The following RALYL variants were observed in gnomAD, a reference collection of about 807,000 sequenced individuals.
RALYL encodes RNA-binding Raly-like protein.
In RALYL, 29 loss-of-function variants were observed where a neutral mutation model predicts 35.1. The ratio of observed to expected loss-of-function variants is 0.83; its 90% CI spans 0.61 to 1.13. The LOEUF is 1.13. Among genes scored for constraint, RALYL ranks in the 50% most tolerant of loss-of-function variants. The probability of loss-of-function intolerance (pLI) is 0.00; values close to 1 mark genes in which losing one functional copy is unlikely to be tolerated. For missense variants in RALYL, 359 were observed against 360.4 expected (o/e 1.00, Z 0.03); for synonymous variants, 120 against 127.6 (o/e 0.94, Z 0.40).
At chr8:84,442,600 A>C (rs2048453951) in intron 1 of RALYL, among the ~76,000 whole-genome samples, 1 of 152,122 alleles carries the variant, frequency 6.6e-6, no homozygotes, top group East Asian at 1.9e-4. Context: ...ACAGATGTTG[A>C]GTCAATAATT....
intron 1 of RALYL, among the ~76,000 whole-genome samples, chr8:84,464,706 G>A (rs78509353): frequency 0.35 from 52,900 of 151,780 alleles, 9,546 homozygotes; most frequent in South Asian, 0.52. Context: ...GATCCCTAAG[G>A]AATCGCTACA....
rs75115584 is a variant in RALYL, at chr8:84,496,806, T to C, written c.-23-32493T>C. On this transcript the variant is annotated intron_variant, in intron 1 of 8. Transcript: ENST00000521268. The stretch of plus-strand genomic sequence containing the variant: ...GTCAGTGATACACTAAATAATGTAA[T>C]TGCAGTTTTGTCTTCAACCTTATCC... Among the ~76,000 whole-genome samples, 1,039 of 152,268 alleles carry C rather than the reference T, an allele frequency of 6.8e-3. 6 individuals are homozygous for C. The highest frequency in any genetic ancestry group is 0.023 in the African/African-American group (964 of 41,560).
rs113520189 is a variant in RALYL at position 84,250,972 on chromosome 8, A to C, written c.-24+66548A>C. Among the ~76,000 whole-genome samples the C allele has an allele frequency of 4.0e-4, 61 of 152,248 alleles. 1 individual carries two copies. Among genetic ancestry groups the C allele is most frequent in the African/African-American group, 1.4e-3 (60 of 41,558 alleles). ...TCAGTTGATTTTTATTCCTTCTTGC[A>C]CAGTTATTTGTTCCCAATTCTTCAA... On this transcript the variant is annotated intron_variant, in intron 1 of 8. Transcript: ENST00000521268.
intron 1 of RALYL, among the ~76,000 whole-genome samples, chr8:84,307,720 G>C (rs1842091967): frequency 6.6e-6 from 1 of 152,156 alleles, no homozygotes; most frequent in Admixed American, 6.5e-5. Flanking sequence ...GACCGCCCCA[G>C]TTACACATCT....
At chr8:84,442,689 T>C (rs910179156) in intron 1 of RALYL, among the ~76,000 whole-genome samples, 5 of 152,126 alleles carry the variant, frequency 3.3e-5, no homozygotes, top group African/African-American at 1.2e-4. Flanking sequence ...AACTACATTT[T>C]TGGTTGCAAG....
At chr8:84,566,483 T>C (rs2061791188) in intron 2 of RALYL, among the ~76,000 whole-genome samples, 2 of 151,664 alleles carry the variant, frequency 1.3e-5, no homozygotes, top group Non-Finnish European at 3.0e-5. Context: ...TTATTTTCTC[T>C]TTAATTCACA....
chr8:84,474,616 G>T (rs1277231813), intron 1 of RALYL, among the ~76,000 whole-genome samples: 1 of 152,098 alleles, frequency 6.6e-6, no homozygotes, highest in Non-Finnish European at 1.5e-5. Context: ...TGCAATTGTA[G>T]TGTGTAATAA....
chr8:84,873,205 G>C (rs1410630213), intron 6 of RALYL, 79 bp from the exon 7 acceptor site: 8 of 652,674 alleles, frequency 1.2e-5, no homozygotes, highest in Non-Finnish European at 2.1e-5. Flanking sequence ...GAAAATACGG[G>C]GTCCCTGTGA....
At chr8:84,296,420 G>A (rs1214850395) in intron 1 of RALYL, among the ~76,000 whole-genome samples, 1 of 151,988 alleles carries the variant, frequency 6.6e-6, no homozygotes, top group Non-Finnish European at 1.5e-5. Context: ...ATATATCCCA[G>A]GACACATCTT....
At chr8:84,854,932 A>G (rs780743385) in intron 5 of RALYL, among the ~76,000 whole-genome samples, 2 of 152,178 alleles carry the variant, frequency 1.3e-5, no homozygotes, top group Non-Finnish European at 2.9e-5. Flanking sequence ...AGATGGGGAT[A>G]TGGGCTGACA....
chr8:84,773,642 T>C (rs539950964), intron 2 of RALYL, among the ~76,000 whole-genome samples: 71 of 152,318 alleles, frequency 4.7e-4, no homozygotes, highest in African/African-American at 1.5e-3. Flanking sequence ...TTTCAGTTTA[T>C]GAAGGCAAAG....
In RALYL at chr8:84,709,286, G is replaced by A. The variant is rs191569683; in HGVS notation, c.257-65293G>A. On this transcript the variant is annotated intron_variant, in intron 2 of 8. Coordinates refer to ENST00000521268, the MANE Select transcript of RALYL (RefSeq NM_173848.7). ...TCAAAGACATTAATGGTTTCTCATTGACTAGATAATGGTGGCTCTGGGCTT... is the reference window on the plus strand; with the variant it reads ...TCAAAGACATTAATGGTTTCTCATTAACTAGATAATGGTGGCTCTGGGCTT... Among the ~76,000 whole-genome samples the A allele has an allele frequency of 1.1e-3, 170 of 152,132 alleles. 2 individuals carry two copies. The highest frequency in any genetic ancestry group is 1.3e-3 in the Non-Finnish European group (91 of 68,004).
intron 1 of RALYL, among the ~76,000 whole-genome samples, chr8:84,415,318 C>A (rs1426692312): frequency 1.3e-5 from 2 of 151,564 alleles, no homozygotes; most frequent in Non-Finnish European, 2.9e-5. Context: ...CGGCTCACTG[C>A]AACCTCCACC....
intron 2 of RALYL, among the ~76,000 whole-genome samples, chr8:84,549,203 G>A (rs1288334426): frequency 3.9e-5 from 6 of 152,106 alleles, no homozygotes; most frequent in African/African-American, 1.4e-4. Flanking sequence ...GCATATTTTT[G>A]TCAGGAGCTC....
At chr8:84,756,569 A>G (rs1811453759) in intron 2 of RALYL, among the ~76,000 whole-genome samples, 1 of 152,154 alleles carries the variant, frequency 6.6e-6, no homozygotes, top group Non-Finnish European at 1.5e-5. Flanking sequence ...AGTAACACAC[A>G]CACCTATCTT....
chr8:84,733,745 G>A (rs1440516629), intron 2 of RALYL, among the ~76,000 whole-genome samples: 1 of 152,128 alleles, frequency 6.6e-6, no homozygotes, highest in Non-Finnish European at 1.5e-5. Flanking sequence ...AAATGGGAAA[G>A]TATCTGTCAA....
chr8:84,529,412 G>A lies in RALYL; in HGVS notation c.91G>A (p.Ala31Thr), dbSNP rs369270532. 36 of 1,612,688 alleles carry A rather than the reference G, an allele frequency of 2.2e-5. No homozygotes were observed. The highest frequency in any genetic ancestry group is 3.0e-5 in the Non-Finnish European group (35 of 1,179,416). The change falls in exon 2 of 9, where the codon GCA becomes ACA. Residue 31 changes from alanine (A) to threonine (T), a missense_variant. By Grantham distance (58) the Ala-to-Thr change is moderately conservative. Coordinates refer to ENST00000521268, the MANE Select transcript of RALYL (RefSeq NM_173848.7). ...TGTTTTCATCGGCAATCTAAATACG[G>A]CAATTGTCAAGAAAGTTGACATTGA... ...SRVFIGNLNT[A>T]IVKKVDIEAI...
intron 1 of RALYL, among the ~76,000 whole-genome samples, chr8:84,348,972 C>A (rs1850354997): frequency 6.7e-6 from 1 of 149,974 alleles, no homozygotes; most frequent in South Asian, 2.1e-4. Context: ...TTCAGGCAAC[C>A]CTGAAACAGG....
Position 84,665,230 on chromosome 8 carries a change from T to G in RALYL, c.257-109349T>G, listed in dbSNP as rs528079595. On this transcript the variant is annotated intron_variant, in intron 2 of 8. Coordinates refer to ENST00000521268, the MANE Select transcript of RALYL (RefSeq NM_173848.7). The stretch of plus-strand genomic sequence containing the variant: ...TGGATTTGGTTTGCCAGTATTTTGT[T>G]GAGGATTTTTGCATTGATCTTCATC... Among the ~76,000 whole-genome samples, 3 of 152,266 alleles carry G rather than the reference T, an allele frequency of 2.0e-5. No individual in the cohort carries two copies. The South Asian group carries it at 6.2e-4, about 32-fold the overall frequency.
Sources: allele counts gnomAD v4.1 joint callset (sites outside exome capture counted in the v4.1 genomes callset), GRCh38; gene constraint gnomAD v4.1.1; transcripts MANE v1.5; gene names NCBI Gene and HGNC (gene_info 2026-07-23, HGNC 2026-07-21).